CRYBG3: variants seen among roughly 807,000 people sequenced by gnomAD.
The protein encoded by CRYBG3 is very large A-kinase anchor protein.
In CRYBG3, 127 loss-of-function variants were observed where a neutral mutation model predicts 244.2. The ratio of observed to expected loss-of-function variants is 0.52; its 90% CI spans 0.45 to 0.60. CRYBG3 has a LOEUF of 0.60. Ranked by LOEUF, CRYBG3 falls within the 20% of genes least tolerant of loss-of-function variation. The pLI is 0.00. For missense variants in CRYBG3, 3,325 were observed against 3,442.5 expected (o/e 0.97, Z 0.85); for synonymous variants, 1,132 against 1,195.8 (o/e 0.95, Z 1.10).
intron 1 of CRYBG3, among the ~76,000 whole-genome samples, chr3:97,838,210 C>G (rs112010643): frequency 6.6e-6 from 1 of 152,060 alleles, no homozygotes; most frequent in Non-Finnish European, 1.5e-5. Context: ...TTTTCTGGAT[C>G]GAGAAGCTTT....
intron 8 of CRYBG3, 91 bp downstream of exon 8, chr3:97,886,858 A>G: frequency 8.9e-7 from 1 of 1,126,656 alleles, no homozygotes. Flanking sequence ...GTTTCTAGCT[A>G]ATGTTTATAC....
At chr3:97,895,634 A>T (rs1201817643) in intron 11 of CRYBG3, among the ~76,000 whole-genome samples, 5 of 152,196 alleles carry the variant, frequency 3.3e-5, no homozygotes, top group Non-Finnish European at 7.3e-5. Context: ...CATTGGCTAT[A>T]TGCACTTTGT....
chr3:97,933,846 A>T lies in CRYBG3; in HGVS notation c.8381+13A>T. ...TAAAAAGTGGACTGTAAGTATGGGA[A>T]AAAGGCTTGGTCTGGTTCAGTTACT... On this transcript the variant is annotated intron_variant, in intron 18 of 21. Transcript: ENST00000389622. The T allele has an allele frequency of 6.2e-7, 1 of 1,610,054 alleles. No homozygotes were observed. The highest frequency in any genetic ancestry group is 8.5e-7 in the Non-Finnish European group (1 of 1,177,322).
intron 17 of CRYBG3, among the ~76,000 whole-genome samples, chr3:97,931,813 C>G (rs2040100186): frequency 1.3e-5 from 2 of 151,956 alleles, no homozygotes; most frequent in South Asian, 4.1e-4. Context: ...TCCTTTACTC[C>G]TAACCTTCCC....
At chr3:97,935,761 C>T (rs1182206346) in intron 18 of CRYBG3, among the ~76,000 whole-genome samples, 1 of 152,006 alleles carries the variant, frequency 6.6e-6, no homozygotes, top group Non-Finnish European at 1.5e-5. Flanking sequence ...TGACCCTGTT[C>T]CTGAGCTCTG....
At position 97,877,440 on chromosome 3, in the gene CRYBG3, T is replaced by C; in HGVS notation, c.6246T>C (p.Pro2082=). 1 of 1,614,172 alleles carries C rather than the reference T, an allele frequency of 6.2e-7. No individual in the cohort carries two copies. Among genetic ancestry groups the C allele is most frequent in the Non-Finnish European group, 8.5e-7 (1 of 1,180,016 alleles). The change falls in exon 4 of 22, where the codon CCT becomes CCC. Residue 2082 remains proline (P), a synonymous_variant. Coordinates refer to ENST00000389622, the MANE Select transcript of CRYBG3 (RefSeq NM_153605.4). Reference sequence around the variant, plus strand: ...AGGCCAAAAGGTACAAAATTTATCCTTTAGCATTGTCTCCCATTTATGAGG... The same window carrying C: ...AGGCCAAAAGGTACAAAATTTATCCCTTAGCATTGTCTCCCATTTATGAGG... ...SVEAKRYKIY[P]LALSPIYEDD... is the part of the protein sequence containing the mutation.
chr3:97,924,716 C>T (rs2040020128), intron 17 of CRYBG3, among the ~76,000 whole-genome samples: 7 of 152,086 alleles, frequency 4.6e-5, no homozygotes, highest in Admixed American at 4.6e-4. Flanking sequence ...AACCCTCCTA[C>T]CTTCCTCTTA....
At chr3:97,827,129 C>T (rs16838958) in intron 1 of CRYBG3, among the ~76,000 whole-genome samples, 1,931 of 152,242 alleles carry the variant, frequency 0.013, 35 homozygotes, top group African/African-American at 0.043. Flanking sequence ...TGGATAGAGG[C>T]AGAAAAGGGC....
At chr3:97,832,204 A>T (rs2038663216) in intron 1 of CRYBG3, among the ~76,000 whole-genome samples, 1 of 151,246 alleles carries the variant, frequency 6.6e-6, no homozygotes. Context: ...TAGAAAAAAA[A>T]TACTTTAAAT....
rs1273019144 is a variant in CRYBG3 at position 97,887,057 on chromosome 3, G to A, written c.7289+290G>A. 2.0e-5 allele frequency among the ~76,000 whole-genome samples: 3 copies of A among 152,124 alleles called. No homozygotes were observed. The East Asian group carries it at 5.8e-4, about 29-fold the overall frequency. On this transcript the variant is annotated intron_variant, in intron 8 of 21. Transcript: ENST00000389622. Reference sequence around the variant, plus strand: ...AGCATGTCCCTGGCCTAAAATTTTGGAGCCTGAACTATTTCTAGAGTGTCT... The same window carrying A: ...AGCATGTCCCTGGCCTAAAATTTTGAAGCCTGAACTATTTCTAGAGTGTCT...
chr3:97,825,685 T>C (rs2038568477), intron 1 of CRYBG3, among the ~76,000 whole-genome samples: 1 of 152,144 alleles, frequency 6.6e-6, no homozygotes, highest in Non-Finnish European at 1.5e-5. Context: ...AACTGAAAAT[T>C]CCTCCACCCA....
intron 19 of CRYBG3, among the ~76,000 whole-genome samples, chr3:97,940,724 T>C (rs765285318): frequency 1.3e-5 from 2 of 152,000 alleles, no homozygotes; most frequent in Admixed American, 6.6e-5. Context: ...GGCCAACTTA[T>C]GGCATTTAGT....
intron 11 of CRYBG3, 50 bp downstream of exon 11, chr3:97,893,043 C>T (rs372569496): frequency 1.3e-6 from 2 of 1,526,558 alleles, no homozygotes; most frequent in African/African-American, 2.8e-5. Context: ...TTTTGAAGGT[C>T]AGCACAAAAA....
At chr3:97,921,760 A>T (rs1006794559) in intron 17 of CRYBG3, among the ~76,000 whole-genome samples, 1 of 152,188 alleles carries the variant, frequency 6.6e-6, no homozygotes, top group Non-Finnish European at 1.5e-5. Context: ...TCTAAGGTGG[A>T]GTTAACTGCG....
At chr3:97,862,828 C>T (rs2039170545) in intron 2 of CRYBG3, among the ~76,000 whole-genome samples, 1 of 152,132 alleles carries the variant, frequency 6.6e-6, no homozygotes, top group Non-Finnish European at 1.5e-5. Context: ...GTATTAAATC[C>T]TAACACATCA....
chr3:97,919,922 T>C (rs1305477620), intron 17 of CRYBG3, among the ~76,000 whole-genome samples: 2 of 151,998 alleles, frequency 1.3e-5, no homozygotes, highest in East Asian at 1.9e-4. Context: ...TGCACCACCA[T>C]GTCTGGCTAG....
intron 17 of CRYBG3, among the ~76,000 whole-genome samples, chr3:97,932,498 T>C (rs1423622213): frequency 3.9e-5 from 6 of 152,090 alleles, no homozygotes; most frequent in African/African-American, 1.4e-4. Context: ...AGCAGGTCCC[T>C]TGTGAGGGTC....
chr3:97,834,050 A>C (rs1418776581), intron 1 of CRYBG3, among the ~76,000 whole-genome samples: 1 of 152,078 alleles, frequency 6.6e-6, no homozygotes, highest in South Asian at 2.1e-4. Context: ...GCATTAATCT[A>C]TTCCTAAGGG....
chr3:97,918,001 T>C (rs2039945823), intron 17 of CRYBG3, among the ~76,000 whole-genome samples: 1 of 152,212 alleles, frequency 6.6e-6, no homozygotes, highest in African/African-American at 2.4e-5. Context: ...ATGCCTTTTT[T>C]CGTAGATTTC....
Sources: allele counts gnomAD v4.1 joint callset (sites outside exome capture counted in the v4.1 genomes callset), GRCh38; gene constraint gnomAD v4.1.1; transcripts MANE v1.5; gene names NCBI Gene and HGNC (gene_info 2026-07-23, HGNC 2026-07-21).